GABRA5: variants seen among roughly 807,000 people sequenced by gnomAD.
GABRA5 encodes gamma-aminobutyric acid type A receptor subunit alpha5.
Under a neutral mutation model 47.3 loss-of-function variants are expected in GABRA5, and 18 were observed. The ratio of observed to expected loss-of-function variants is 0.38; its 90% CI spans 0.26 to 0.56. The LOEUF (loss-of-function observed/expected upper bound fraction) is 0.56, where lower values mean the gene tolerates loss of function less well. GABRA5 is among the 20% of genes least tolerant of loss of function. The pLI is 0.71. For synonymous variants in GABRA5, 237 were observed against 229.3 expected (o/e 1.03, Z -0.30); for missense variants, 365 against 599.3 (o/e 0.61, Z 4.08).
At chr15:26,945,703 T>G (rs1196548055) in intron 10 of GABRA5, among the ~76,000 whole-genome samples, 1 of 152,180 alleles carries the variant, frequency 6.6e-6, no homozygotes, top group Non-Finnish European at 1.5e-5. Flanking sequence ...CTGGCCACAC[T>G]GCCTGCAGCT....
At chr15:26,941,029 T>G (rs1894371733) in intron 9 of GABRA5, among the ~76,000 whole-genome samples, 1 of 152,260 alleles carries the variant, frequency 6.6e-6, no homozygotes, top group Non-Finnish European at 1.5e-5. Flanking sequence ...CATTTTATCT[T>G]AATGCTCCCC....
intron 6 of GABRA5, among the ~76,000 whole-genome samples, chr15:26,912,832 G>C (rs1392790479): frequency 6.6e-6 from 1 of 152,148 alleles, no homozygotes; most frequent in East Asian, 1.9e-4. Context: ...TAAGTGAAGT[G>C]GTCGATGTTT....
chr15:26,910,807 T>C (rs1367638808), intron 6 of GABRA5, among the ~76,000 whole-genome samples: 2 of 152,126 alleles, frequency 1.3e-5, no homozygotes, highest in Admixed American at 6.5e-5. Flanking sequence ...CCTTTTGGGC[T>C]TGATTTTCTT....
Position 26,883,565 on chromosome 15 carries a change from C to T in GABRA5, c.497+8C>T, listed in dbSNP as rs1262828139. The T allele has an allele frequency of 6.8e-7, 1 of 1,475,872 alleles. No individual in the cohort carries two copies. The highest frequency in any genetic ancestry group is 9.3e-7 in the Non-Finnish European group (1 of 1,072,368). The allele number at this position is 1,475,872 out of a possible 1,614,324, so 91.4% of individuals were successfully genotyped here. A position where few individuals can be genotyped will look rare whatever the true frequency, so the allele number is the denominator to read the frequency against. On this transcript the variant is annotated splice_region_variant and intron_variant, in intron 6 of 10. Transcript: ENST00000335625. This position sits in a 1 kb window ranked among gnomAD's most constrained non-coding sequence, Gnocchi z 4.8. ...CCTGCTCTACACCATGCGGTGAGCG[C>T]CGGGCGGGGGCGGGCGGGGCCGGGG...
chr15:26,911,802 C>T (rs1259508042), intron 6 of GABRA5, among the ~76,000 whole-genome samples: 3 of 152,152 alleles, frequency 2.0e-5, no homozygotes, highest in Non-Finnish European at 4.4e-5. Context: ...GAATTCAGCC[C>T]GTAGACTGAC....
At chr15:26,937,450 A>C in intron 8 of GABRA5, 122 bp downstream of exon 8, 1 of 1,047,460 alleles carries the variant, frequency 9.5e-7, no homozygotes, top group Non-Finnish European at 1.3e-6. Context: ...AGCCTCCCAC[A>C]CAACCTGTCC....
At chr15:26,939,896 C>T (rs1894345202) in intron 8 of GABRA5, 29 bp from the exon 9 acceptor site, 1 of 1,612,508 alleles carries the variant, frequency 6.2e-7, no homozygotes, top group Non-Finnish European at 8.5e-7. Context: ...CTCTAGGGGA[C>T]TGATGTGCAG....
chr15:26,898,747 A>G (rs1055770521), intron 6 of GABRA5, among the ~76,000 whole-genome samples: 4 of 140,758 alleles, frequency 2.8e-5, no homozygotes, highest in Admixed American at 2.8e-4. Flanking sequence ...TTTTTTTTCT[A>G]ATGTGTAAAG....
chr15:26,912,725 G>C (rs7178125), intron 6 of GABRA5, among the ~76,000 whole-genome samples: 1 of 152,176 alleles, frequency 6.6e-6, no homozygotes, highest in Non-Finnish European at 1.5e-5. Context: ...TTCTGTTCTA[G>C]TGTTAGGTAT....
At chr15:26,906,423 G>A (rs1893445446) in intron 6 of GABRA5, among the ~76,000 whole-genome samples, 1 of 152,170 alleles carries the variant, frequency 6.6e-6, no homozygotes. Context: ...TTCTTCTTGT[G>A]TGGAGTTTGA....
At chr15:26,927,165 A>T (rs993545892) in intron 7 of GABRA5, among the ~76,000 whole-genome samples, 5 of 151,632 alleles carry the variant, frequency 3.3e-5, no homozygotes, top group Admixed American at 2.6e-4. Flanking sequence ...GTGAAATGGC[A>T]CAATCTCTGC....
intron 7 of GABRA5, among the ~76,000 whole-genome samples, chr15:26,928,596 A>G (rs1312771284): frequency 6.6e-6 from 1 of 152,076 alleles, no homozygotes; most frequent in Non-Finnish European, 1.5e-5. Flanking sequence ...CTCCTATAAA[A>G]GAGGTCCCAG....
intron 3 of GABRA5, 131 bp from the exon 4 acceptor site, chr15:26,880,715 A>C (rs987953831): frequency 1.6e-5 from 14 of 850,732 alleles, no homozygotes; most frequent in Non-Finnish European, 2.4e-5. Context: ...CCTAGGCACT[A>C]TGGGAGCTGT....
rs187112430 is a variant in GABRA5 at position 26,935,833 on chromosome 15, A to G, written c.581-1352A>G. On this transcript the variant is annotated intron_variant, in intron 7 of 10. Transcript: ENST00000335625. The stretch of plus-strand genomic sequence containing the variant: ...TCATCCTTGAGCAGATTTGGCATTG[A>G]GTTGTTAGCTCCTCATCGGCTGATG... Among the ~76,000 whole-genome samples the G allele has an allele frequency of 2.6e-4, 39 of 151,892 alleles. No homozygotes were observed. In the East Asian group the frequency reaches 5.3e-3, roughly 20 times the overall value.
At chr15:26,874,498 T>A (rs1458872875) in intron 3 of GABRA5, among the ~76,000 whole-genome samples, 1 of 152,112 alleles carries the variant, frequency 6.6e-6, no homozygotes, top group African/African-American at 2.4e-5. Flanking sequence ...TGCTCCAGAA[T>A]GTCCTAATTT....
chr15:26,868,019 C>T, intron 1 of GABRA5: 1 of 152,024 alleles, frequency 6.6e-6, no homozygotes, highest in South Asian at 2.1e-4. Flanking sequence ...GCGCGGGTGG[C>T]GACCGCGGGT....
At chr15:26,871,640 A>C (rs1309600782) in intron 3 of GABRA5, among the ~76,000 whole-genome samples, 1 of 152,048 alleles carries the variant, frequency 6.6e-6, no homozygotes, top group Non-Finnish European at 1.5e-5. Context: ...TGGTGCACTG[A>C]CTTCCCCTTG....
intron 6 of GABRA5, among the ~76,000 whole-genome samples, chr15:26,907,322 T>C (rs1443820903): frequency 2.0e-5 from 3 of 152,218 alleles, no homozygotes; most frequent in Non-Finnish European, 4.4e-5. Context: ...ATACCCTAAG[T>C]TGACTTTTAC....
intron 3 of GABRA5, among the ~76,000 whole-genome samples, chr15:26,871,448 A>G (rs6576641): frequency 0.68 from 103,442 of 152,006 alleles, 35,261 homozygotes; most frequent in East Asian, 0.77. Context: ...GTAAGTGGTA[A>G]AATACCCCTC....
Sources: gnomAD v4.1 joint callset for allele counts (sites outside exome capture counted in the v4.1 genomes callset) on GRCh38, gnomAD v4.1.1 for gene constraint, Gnocchi (gnomAD v3.1) non-coding constraint, MANE v1.5 for transcripts, NCBI Gene and HGNC (gene_info 2026-07-23, HGNC 2026-07-21) for gene names.